The following UBR3 variants were observed in gnomAD, a reference collection of about 807,000 sequenced individuals.
The protein encoded by UBR3 is E3 ubiquitin-protein ligase UBR3.
UBR3 carries 85 observed loss-of-function variants against 243.2 expected under a neutral mutation model. The ratio of observed to expected loss-of-function variants is 0.35; its 90% confidence interval spans 0.29 to 0.42. The LOEUF (loss-of-function observed/expected upper bound fraction) is 0.42, where lower values mean the gene tolerates loss of function less well. UBR3 is among the 10% of genes least tolerant of loss of function. The probability of loss-of-function intolerance (pLI) is 1.00; values close to 1 mark genes in which losing one functional copy is unlikely to be tolerated. For synonymous variants in UBR3, 748 were observed against 799.8 expected (o/e 0.94, Z 1.09); for missense variants, 1,686 against 2,300.8 (o/e 0.73, Z 5.47).
At chr2:169,903,874 C>T (rs1257612606) in intron 8 of UBR3, among the ~76,000 whole-genome samples, 1 of 152,106 alleles carries the variant, frequency 6.6e-6, no homozygotes, top group Non-Finnish European at 1.5e-5. Context: ...TATATATATA[C>T]CTTAAACATT....
chr2:170,065,896 A>G (rs1433495604), intron 35 of UBR3, among the ~76,000 whole-genome samples: 1 of 150,926 alleles, frequency 6.6e-6, no homozygotes, highest in South Asian at 2.1e-4. Context: ...ATCCAGTACT[A>G]TTTTGAGCCG....
At chr2:169,947,379 G>T in intron 21 of UBR3, 163 bp from the exon 22 acceptor site, 2 of 485,496 alleles carry the variant, frequency 4.1e-6, no homozygotes. Flanking sequence ...GTTTGAATTT[G>T]GTTTTATTAT....
intron 33 of UBR3, among the ~76,000 whole-genome samples, chr2:170,057,260 G>T (rs1210239051): frequency 6.6e-6 from 1 of 151,920 alleles, no homozygotes; most frequent in Non-Finnish European, 1.5e-5. Context: ...GGGGCTACAG[G>T]CTTGTGCCAC....
In UBR3 at chr2:169,914,568, T is replaced by C. The variant is rs143967528; in HGVS notation, c.1866+422T>C. Among the ~76,000 whole-genome samples the C allele has an allele frequency of 8.5e-3, 1,290 of 152,300 alleles. 23 individuals are homozygous for C. Among genetic ancestry groups the C allele is most frequent in the African/African-American group, 0.029 (1,204 of 41,548 alleles). On this transcript the variant is annotated intron_variant, in intron 11 of 38. Coordinates refer to ENST00000272793, the MANE Select transcript of UBR3 (RefSeq NM_172070.4). Reference sequence around the variant, plus strand: ...TTCTGTTTGTCAGAGTAGGAAAAGATGGACTTGAACAAAGGTGATTAGTGT... The same window carrying C: ...TTCTGTTTGTCAGAGTAGGAAAAGACGGACTTGAACAAAGGTGATTAGTGT...
chr2:169,837,804 G>A (rs1213185498), intron 1 of UBR3, among the ~76,000 whole-genome samples: 1 of 152,138 alleles, frequency 6.6e-6, no homozygotes, highest in African/African-American at 2.4e-5. Context: ...TTTGGGTGGG[G>A]ACACAACCAA....
At chr2:169,970,237 T>TG (rs2088051521) in intron 24 of UBR3, among the ~76,000 whole-genome samples, 2 of 82,962 alleles carry the variant, frequency 2.4e-5, no homozygotes, top group Non-Finnish European at 4.4e-5. Flanking sequence ...GTTCCTAGGT[T>TG]TTTTTTTTTT....
In UBR3 at chr2:169,986,802, C is replaced by A. The variant is rs1166007910; in HGVS notation, c.3784+8C>A. 3 of 1,613,020 alleles carry A rather than the reference C, an allele frequency of 1.9e-6. No individual in the cohort carries two copies. The highest frequency in any genetic ancestry group is 2.5e-6 in the Non-Finnish European group (3 of 1,179,700). ...TGTTACAAGCATCCTCAGGTAAAAT[C>A]AAAGTAATTTTTTCATGGGAACATT... On this transcript the variant is annotated splice_region_variant and intron_variant, in intron 25 of 38. Coordinates refer to ENST00000272793, the MANE Select transcript of UBR3 (RefSeq NM_172070.4).
intron 1 of UBR3, among the ~76,000 whole-genome samples, chr2:169,869,704 A>C (rs185997350): frequency 1.1e-4 from 17 of 152,154 alleles, no homozygotes; most frequent in Non-Finnish European, 2.1e-4. Flanking sequence ...ATTTCACTAG[A>C]TATCACAAAA....
chr2:169,919,485 T>C (rs2085603618), intron 11 of UBR3, among the ~76,000 whole-genome samples: 1 of 152,082 alleles, frequency 6.6e-6, no homozygotes, highest in South Asian at 2.1e-4. Flanking sequence ...ACTAAAGAGC[T>C]TCTGGACAGC....
Position 169,896,526 on chromosome 2 carries a change from T to C in UBR3, c.1256T>C (p.Phe419Ser). 1 of 1,528,192 alleles carries C rather than the reference T, an allele frequency of 6.5e-7. No individual in the cohort carries two copies. The highest frequency in any genetic ancestry group is 8.8e-7 in the Non-Finnish European group (1 of 1,133,398). The allele number at this position is 1,528,192 out of a possible 1,614,324, so 94.7% of individuals were successfully genotyped here. A position where few individuals can be genotyped will look rare whatever the true frequency, so the allele number is the denominator to read the frequency against. Reference sequence around the variant, plus strand: ...TTACAGGTTGCTTTTACAAAAACTTTTGTTCAGCATTATGCTTTCATTATG... The same window carrying C: ...TTACAGGTTGCTTTTACAAAAACTTCTGTTCAGCATTATGCTTTCATTATG... ...QEYKVAFTKT[F>S]VQHYAFIMKT... The change falls in exon 8 of 39, where the codon TTT becomes TCT. Residue 419 changes from phenylalanine to serine, a missense_variant. Phe to Ser is a radical substitution (Grantham distance 155, BLOSUM62 -2). Transcript: ENST00000272793.
chr2:169,898,204 G>A (rs747485585), intron 8 of UBR3, among the ~76,000 whole-genome samples: 7 of 152,148 alleles, frequency 4.6e-5, no homozygotes, highest in Non-Finnish European at 8.8e-5. Flanking sequence ...TTATAGTTGA[G>A]CCTTGCTTTG....
chr2:169,976,509 A>G (rs980234007), intron 24 of UBR3, among the ~76,000 whole-genome samples: 11 of 151,982 alleles, frequency 7.2e-5, no homozygotes, highest in Non-Finnish European at 1.5e-4. Context: ...TTATTTCTGT[A>G]GGATAGCTTT....
rs1215528892 is a variant in UBR3, at chr2:169,885,871, G to A, written c.1039-5294G>A. Among the ~76,000 whole-genome samples the A allele has an allele frequency of 5.3e-5, 8 of 151,698 alleles. No individual in the cohort carries two copies. In the East Asian group the frequency reaches 1.6e-3, roughly 30 times the overall value. On this transcript the variant is annotated intron_variant, in intron 5 of 38. Coordinates refer to ENST00000272793, the MANE Select transcript of UBR3 (RefSeq NM_172070.4). ...ACTTTTCATAAGTGAATAGGTAAAA[G>A]AAAAAAGGCTGGGTGCAGTGGCTCA...
intron 1 of UBR3, among the ~76,000 whole-genome samples, chr2:169,867,847 G>C (rs186999056): frequency 5.2e-4 from 79 of 152,258 alleles, no homozygotes; most frequent in African/African-American, 1.7e-3. Flanking sequence ...CCCTTTCGCA[G>C]AGTATTTTAA....
At chr2:169,878,169 A>T (rs1370615110) in intron 4 of UBR3, among the ~76,000 whole-genome samples, 1 of 152,108 alleles carries the variant, frequency 6.6e-6, no homozygotes, top group East Asian at 1.9e-4. Flanking sequence ...TGAGGCCAAA[A>T]TGGCCAACAT....
rs772327797 is a variant in UBR3 at position 170,080,595 on chromosome 2, A to G, written c.5460A>G (p.Ala1820=). 8 of 1,613,936 alleles carry G rather than the reference A, an allele frequency of 5.0e-6. No homozygotes were observed. The South Asian group carries it at 5.5e-5, about 11-fold the overall frequency. ...CAGGTATTTTCCTTTTGATCAATGC[A>G]TCGGTAATTATCATCATTCGAGGTC... ...AGTGIFLLIN[A]SVIIIIRGHR... is the part of the protein sequence containing the mutation. Residue 1820 remains alanine (A), a synonymous_variant, in exon 38 of 39, where the codon GCA becomes GCG. Transcript: ENST00000272793.
At chr2:169,873,436 C>T (rs2083493889) in intron 2 of UBR3, among the ~76,000 whole-genome samples, 1 of 152,072 alleles carries the variant, frequency 6.6e-6, no homozygotes, top group Non-Finnish European at 1.5e-5. Flanking sequence ...CTTTGAGGGG[C>T]TGAGGGAGGA....
chr2:169,992,190 C>G (rs1455681745), intron 25 of UBR3, among the ~76,000 whole-genome samples: 2 of 152,058 alleles, frequency 1.3e-5, no homozygotes, highest in African/African-American at 4.8e-5. Context: ...TACAAATATA[C>G]AAACTACCAA....
chr2:169,837,081 T>C (rs2082134719), intron 1 of UBR3, among the ~76,000 whole-genome samples: 1 of 152,262 alleles, frequency 6.6e-6, no homozygotes, highest in African/African-American at 2.4e-5. Context: ...CTGAAAGATT[T>C]AAGGTTTTTC....
Sources: allele counts gnomAD v4.1 joint callset (sites outside exome capture counted in the v4.1 genomes callset), GRCh38; gene constraint gnomAD v4.1.1; transcripts MANE v1.5; gene names NCBI Gene and HGNC (gene_info 2026-07-23, HGNC 2026-07-21).